The following LPO variants were observed in gnomAD, a reference collection of about 807,000 sequenced individuals.
LPO encodes lactoperoxidase.
In LPO, 70 loss-of-function variants were observed where a neutral mutation model predicts 68.4. The observed-to-expected ratio is 1.02, with a 90% CI of 0.84 to 1.25. The LOEUF (loss-of-function observed/expected upper bound fraction) is 1.25, where lower values mean the gene tolerates loss of function less well. Among genes scored for constraint, LPO ranks in the 50% most tolerant of loss-of-function variants. The pLI is 0.00. For missense variants in LPO, 873 were observed against 908.4 expected, an observed-to-expected ratio of 0.96 and a Z score of 0.50; for synonymous variants, 360 against 357.6, an observed-to-expected ratio of 1.01 and a Z score of -0.08.
chr17:58,247,396 C>T (rs1439577031), intron 3 of LPO, 82 bp from the exon 4 acceptor site: 6 of 1,320,446 alleles, frequency 4.5e-6, no homozygotes, highest in Non-Finnish European at 6.3e-6. Context: ...ATGTTGTACA[C>T]ACACCCCTCC....
intron 9 of LPO, 29 bp from the exon 10 acceptor site, chr17:58,264,693 C>T (rs1353033144): frequency 5.0e-6 from 8 of 1,612,074 alleles, no homozygotes; most frequent in African/African-American, 1.3e-5. Context: ...TTCTTACACC[C>T]TTTCCTCTTG....
intron 9 of LPO, among the ~76,000 whole-genome samples, chr17:58,263,334 T>C (rs887159513): frequency 6.6e-6 from 1 of 152,218 alleles, no homozygotes; most frequent in African/African-American, 2.4e-5. Context: ...ATCAGTTGAT[T>C]GTCTGTTTAC....
rs8071513 is a variant in LPO at position 58,242,971 on chromosome 17, G to A, written c.-2-7G>A. On this transcript the variant is annotated splice_polypyrimidine_tract_variant and splice_region_variant and intron_variant, in intron 1 of 12. Coordinates refer to ENST00000262290, the MANE Select transcript of LPO (RefSeq NM_006151.3). Reference sequence around the variant, plus strand: ...GGCTCACAGTGTGATCCTGCATCTCGTTTCAGTGATGAGGGTCCTTCTCCA... The same window carrying A: ...GGCTCACAGTGTGATCCTGCATCTCATTTCAGTGATGAGGGTCCTTCTCCA... 3.0e-5 allele frequency: 49 copies of A among 1,613,472 alleles called. No homozygotes were observed. Among genetic ancestry groups the A allele is most frequent in the Non-Finnish European group, 3.5e-5 (41 of 1,179,690 alleles).
chr17:58,247,460 C>T lies in LPO; in HGVS notation c.165-18C>T, dbSNP rs772555065. 2 of 1,609,408 alleles carry T rather than the reference C, an allele frequency of 1.2e-6. No homozygotes were observed. Among genetic ancestry groups the T allele is most frequent in the Admixed American group, 3.3e-5 (2 of 59,748 alleles). On this transcript the variant is annotated intron_variant, in intron 3 of 12. Transcript: ENST00000262290. ...CCTACAGGGTCCAGGCCATGATCCC[C>T]ATCTCCCTCCACTGTAGGCTGAAGA...
At chr17:58,262,885 A>C (rs936382684) in intron 9 of LPO, among the ~76,000 whole-genome samples, 1 of 152,098 alleles carries the variant, frequency 6.6e-6, no homozygotes, top group Non-Finnish European at 1.5e-5. Context: ...ATTTTGAGAA[A>C]TTTTCAGGCA....
intron 9 of LPO, among the ~76,000 whole-genome samples, chr17:58,255,819 A>G (rs527851492): frequency 9.3e-4 from 142 of 152,366 alleles, no homozygotes; most frequent in African/African-American, 3.3e-3. Flanking sequence ...GGAAGTTAAC[A>G]ATGATATAAA....
intron 9 of LPO, among the ~76,000 whole-genome samples, chr17:58,256,062 A>G (rs2143923774): frequency 6.6e-6 from 1 of 152,192 alleles, no homozygotes; most frequent in African/African-American, 2.4e-5. Context: ...CTCCATCTCT[A>G]TGTTATTTCA....
At chr17:58,267,761 G>C in intron 12 of LPO, 26 bp from the exon 13 acceptor site, 1 of 1,606,048 alleles carries the variant, frequency 6.2e-7, no homozygotes, top group Non-Finnish European at 8.5e-7. Flanking sequence ...CCAGACTGTG[G>C]AGTGACTCTA....
At chr17:58,257,926 T>C (rs1970101418) in intron 9 of LPO, among the ~76,000 whole-genome samples, 1 of 152,260 alleles carries the variant, frequency 6.6e-6, no homozygotes, top group Admixed American at 6.5e-5. Context: ...TTGCCATTTG[T>C]ATGTCTTCTT....
Position 58,264,786 on chromosome 17 carries a change from C to A in LPO, c.1331C>A (p.Pro444Gln). 1 of 1,614,230 alleles carries A rather than the reference C, an allele frequency of 6.2e-7. No homozygotes were observed. The highest frequency in any genetic ancestry group is 1.7e-5 in the Admixed American group (1 of 60,028). The part of the protein sequence containing the change: ...LGDHMQKWIP[P>Q]YQGYSESVDP... ...GACCACATGCAGAAGTGGATACCCC[C>A]ATATCAAGGCTACAGTGAATCTGTG... The change falls in exon 10 of 13, where the codon CCA becomes CAA. Residue 444 changes from proline to glutamine, a missense_variant. Physicochemically the swap from Pro to Gln is moderately conservative, Grantham distance 76. Coordinates refer to ENST00000262290, the MANE Select transcript of LPO (RefSeq NM_006151.3).
At chr17:58,251,798 A>G (rs1969963328) in intron 7 of LPO, 3 of 530,126 alleles carry the variant, frequency 5.7e-6, no homozygotes, top group Admixed American at 3.9e-5. Context: ...TAAAGTATGC[A>G]TAATTCCTGG....
Position 58,249,010 on chromosome 17 carries a change from C to T in LPO, c.326-50C>T, listed in dbSNP as rs200423634. The T allele has an allele frequency of 6.8e-5, 96 of 1,404,492 alleles. No homozygotes were observed. In the African/African-American group the frequency reaches 1.1e-3, roughly 15 times the overall value. 87.0% of individuals were successfully genotyped at this position (1,404,492 alleles called of 1,614,324 possible). On this transcript the variant is annotated intron_variant, in intron 4 of 12. Transcript: ENST00000262290. ...CTCCATTTCCTGCCTCCCACGGGTG[C>T]CTGTGAATGGAGAAAGAACTCAGTC...
intron 4 of LPO, among the ~76,000 whole-genome samples, chr17:58,248,305 A>G (rs1969889784): frequency 1.3e-5 from 2 of 152,330 alleles, no homozygotes; most frequent in South Asian, 4.1e-4. Context: ...CAAAGCTCCA[A>G]AAGAAGGAAA....
At chr17:58,254,156 G>GATATATAGATATATAGATAT (rs535794728) in intron 8 of LPO, among the ~76,000 whole-genome samples, 1 of 148,524 alleles carries the variant, frequency 6.7e-6, no homozygotes, top group Admixed American at 6.7e-5. Context: ...TAGATATATA[G>GATATATAGATATATAGATAT]ATAGATAGAT....
intron 9 of LPO, among the ~76,000 whole-genome samples, chr17:58,255,848 T>G (rs2064740704): frequency 6.6e-6 from 1 of 152,196 alleles, no homozygotes; most frequent in African/African-American, 2.4e-5. Flanking sequence ...CTTACTCAGA[T>G]CTCACCAGTT....
At chr17:58,256,435 T>C (rs573329746) in intron 9 of LPO, among the ~76,000 whole-genome samples, 22 of 151,672 alleles carry the variant, frequency 1.5e-4, no homozygotes, top group Admixed American at 6.6e-4. Context: ...TTTTTAATTT[T>C]GTGGGTACAT....
At position 58,252,247 on chromosome 17, in the gene LPO, C is replaced by G; in HGVS notation, c.846C>G (p.Phe282Leu). Residue 282 changes from phenylalanine (F) to leucine (L), a missense_variant, in exon 8 of 13, where the codon TTC becomes TTG. Physicochemically the swap from Phe to Leu is conservative, Grantham distance 22 (BLOSUM62 0). Coordinates refer to ENST00000262290, the MANE Select transcript of LPO (RefSeq NM_006151.3). ...GKCMPFFRAG[F>L]VCPTPPYKSL... ...GCATGCCTTTCTTCCGAGCTGGGTTCGTCTGCCCCACTCCACCCTACAAGT... is the reference window on the plus strand; with the variant it reads ...GCATGCCTTTCTTCCGAGCTGGGTTGGTCTGCCCCACTCCACCCTACAAGT... 6.2e-7 allele frequency: 1 copy of G among 1,614,164 alleles called. No homozygotes were observed. Among genetic ancestry groups the G allele is most frequent in the Non-Finnish European group, 8.5e-7 (1 of 1,180,036 alleles).
intron 9 of LPO, among the ~76,000 whole-genome samples, chr17:58,255,577 G>A (rs1249675683): frequency 2.0e-5 from 3 of 152,196 alleles, no homozygotes; most frequent in Non-Finnish European, 4.4e-5. Flanking sequence ...AACAGAGAAG[G>A]TAGCTGGAGG....
At chr17:58,247,822 G>A (rs958724296) in intron 4 of LPO, among the ~76,000 whole-genome samples, 184 bp downstream of exon 4, 4 of 152,204 alleles carry the variant, frequency 2.6e-5, no homozygotes, top group African/African-American at 9.7e-5. Context: ...GGACAGCTAG[G>A]GCAATGCTGT....
Sources: allele counts gnomAD v4.1 joint callset (sites outside exome capture counted in the v4.1 genomes callset), GRCh38; gene constraint gnomAD v4.1.1; transcripts MANE v1.5; gene names NCBI Gene and HGNC (gene_info 2026-07-23, HGNC 2026-07-21).